COBL: variants seen among roughly 807,000 people sequenced by gnomAD.
COBL encodes protein cordon-bleu.
In COBL, 51 loss-of-function variants were observed where a neutral mutation model predicts 98.8. The ratio of observed to expected loss-of-function variants is 0.52; its 90% CI spans 0.41 to 0.65. COBL has a LOEUF of 0.65. Ranked by LOEUF, COBL falls within the 30% of genes least tolerant of loss-of-function variation. COBL has a pLI of 0.00. For missense variants in COBL, 1,617 were observed against 1,617.5 expected (o/e 1.00, Z 0.01); for synonymous variants, 634 against 651.7 (o/e 0.97, Z 0.41).
intron 1 of COBL, among the ~76,000 whole-genome samples, chr7:51,221,305 G>A (rs1374216741): frequency 4.6e-5 from 7 of 152,142 alleles, no homozygotes; most frequent in Admixed American, 4.6e-4. Flanking sequence ...CAGAGACACA[G>A]GAATTCCTTT....
In COBL at chr7:51,043,756, G is replaced by A. The variant is rs1481739434; in HGVS notation, c.1097-64C>T. On this transcript the variant is annotated intron_variant, in intron 7 of 12. Transcript: ENST00000265136. The stretch of plus-strand genomic sequence containing the variant: ...CTCTGGCGTCCATACTGCCTAACAA[G>A]TGTGACATCAGTCTGTCGGCCCCGC... 14 of 1,414,054 alleles carry A rather than the reference G, an allele frequency of 9.9e-6. No homozygotes were observed. In the Admixed American group the frequency reaches 1.7e-4, roughly 17 times the overall value. The allele number at this position is 1,414,054 out of a possible 1,614,324, so 87.6% of individuals were successfully genotyped here. A position where few individuals can be genotyped will look rare whatever the true frequency, so the allele number is the denominator to read the frequency against.
intron 7 of COBL, chr7:51,065,085 A>G: frequency 1.5e-6 from 1 of 659,604 alleles, no homozygotes; most frequent in East Asian, 2.7e-5. Context: ...TCCATAGAAA[A>G]CACCTTCACA....
rs766690209 is a variant in COBL at position 51,028,434 on chromosome 7, G to C, written c.2662C>G (p.Pro888Ala). 1 of 1,614,256 alleles carries C rather than the reference G, an allele frequency of 6.2e-7. No homozygotes were observed. Among genetic ancestry groups the C allele is most frequent in the Non-Finnish European group, 8.5e-7 (1 of 1,180,048 alleles). The change falls in exon 10 of 13, where the codon CCA becomes GCA. Residue 888 changes from proline to alanine, a missense_variant. Pro to Ala is a conservative substitution (Grantham distance 27). Transcript: ENST00000265136. The part of the protein sequence containing the change: ...APKVHADVVR[P>A]HGYAEKGYAG... The stretch of plus-strand genomic sequence containing the variant: ...TAACCCTTCTCGGCATAACCGTGTG[G>C]CCTCACCACATCAGCATGGACTTTT...
chr7:51,270,419 A>G (rs1798649691), intron 1 of COBL, among the ~76,000 whole-genome samples: 1 of 152,196 alleles, frequency 6.6e-6, no homozygotes, highest in Non-Finnish European at 1.5e-5. Context: ...TGTGCCCACT[A>G]CGTGCCAGGC....
At chr7:51,207,596 G>GT in intron 2 of COBL, among the ~76,000 whole-genome samples, 1 of 152,100 alleles carries the variant, frequency 6.6e-6, no homozygotes, top group African/African-American at 2.4e-5. Context: ...CACCTGACTG[G>GT]TTTTCGTATT....
intron 6 of COBL, among the ~76,000 whole-genome samples, chr7:51,117,970 T>G (rs1223065905): frequency 6.6e-6 from 1 of 152,218 alleles, no homozygotes; most frequent in Non-Finnish European, 1.5e-5. Context: ...TATCTGTCCT[T>G]TTCATGCATG....
chr7:51,144,333 C>G (rs1249790932), intron 5 of COBL, among the ~76,000 whole-genome samples: 3 of 152,168 alleles, frequency 2.0e-5, no homozygotes, highest in African/African-American at 7.2e-5. Flanking sequence ...CAGCGAGTTA[C>G]TGGTTGCCCA....
chr7:51,069,803 A>G (rs1333721420), intron 7 of COBL, among the ~76,000 whole-genome samples: 2 of 152,206 alleles, frequency 1.3e-5, no homozygotes, highest in African/African-American at 4.8e-5. Flanking sequence ...TGGGCCAAAG[A>G]AGAAAGTATG....
intron 4 of COBL, among the ~76,000 whole-genome samples, chr7:51,190,224 T>A (rs1359961631): frequency 6.6e-6 from 1 of 152,030 alleles, no homozygotes; most frequent in African/African-American, 2.4e-5. Context: ...ATTTTTTTTT[T>A]AAAGAGACAG....
intron 6 of COBL, among the ~76,000 whole-genome samples, chr7:51,121,797 G>C (rs2128990316): frequency 6.6e-6 from 1 of 152,306 alleles, no homozygotes; most frequent in East Asian, 1.9e-4. Flanking sequence ...TGGCTGGACA[G>C]AATCATGAAT....
intron 5 of COBL, among the ~76,000 whole-genome samples, chr7:51,141,255 A>G (rs1799715437): frequency 2.0e-5 from 3 of 152,090 alleles, no homozygotes; most frequent in Admixed American, 2.0e-4. Context: ...TGACATGGCT[A>G]TTGAGGAATT....
intron 1 of COBL, among the ~76,000 whole-genome samples, chr7:51,254,181 T>C (rs1796995899): frequency 6.6e-6 from 1 of 152,054 alleles, no homozygotes; most frequent in Non-Finnish European, 1.5e-5. Context: ...TCATTGACAA[T>C]GATTACTGCA....
chr7:51,142,889 A>G (rs1487682239), intron 5 of COBL, among the ~76,000 whole-genome samples: 2 of 152,180 alleles, frequency 1.3e-5, no homozygotes, highest in African/African-American at 4.8e-5. Context: ...AAGATGGATG[A>G]CATGCGATGT....
rs1787775758 is a variant in COBL at position 51,028,244 on chromosome 7, CT to C, written c.2851del (p.Arg951GlyfsTer114). On this transcript the variant is annotated frameshift_variant, in exon 10 of 13. Transcript: ENST00000265136. LOFTEE classifies it high-confidence loss of function. The stretch of plus-strand genomic sequence containing the variant: ...CCTGTGTGGGCCAATGACCTCCCCC[CT>C]AGGAGGGGCTCCCACTGCCAAATCT... ...GEDLAVGAPP[R>X]GEVIGPHRKL... 3 of 1,613,922 alleles carry C rather than the reference CT, an allele frequency of 1.9e-6. No homozygotes were observed. The highest frequency in any genetic ancestry group is 2.5e-6 in the Non-Finnish European group (3 of 1,179,862).
intron 5 of COBL, among the ~76,000 whole-genome samples, chr7:51,178,854 C>A (rs889872932): frequency 3.9e-5 from 6 of 152,188 alleles, no homozygotes; most frequent in Admixed American, 2.6e-4. Context: ...GGCGATCCAC[C>A]CGCCTTGGCC....
At chr7:51,289,484 C>A (rs1800690518) in intron 1 of COBL, among the ~76,000 whole-genome samples, 1 of 152,200 alleles carries the variant, frequency 6.6e-6, no homozygotes, top group Non-Finnish European at 1.5e-5. Flanking sequence ...TCCTCCACTG[C>A]CTACAACGGA....
intron 6 of COBL, among the ~76,000 whole-genome samples, chr7:51,097,503 G>A (rs1369707855): frequency 6.6e-6 from 1 of 152,114 alleles, no homozygotes; most frequent in African/African-American, 2.4e-5. Context: ...AACGGAAGAA[G>A]TGAAATTATT....
At chr7:51,237,096 G>A (rs559786134) in intron 1 of COBL, among the ~76,000 whole-genome samples, 2 of 152,172 alleles carry the variant, frequency 1.3e-5, no homozygotes, top group Non-Finnish European at 2.9e-5. Flanking sequence ...ATGATGAAGC[G>A]AAATGCCCAG....
chr7:51,245,251 GTTC>G (rs1210002616), intron 1 of COBL, among the ~76,000 whole-genome samples: 2 of 152,114 alleles, frequency 1.3e-5, no homozygotes, highest in African/African-American at 4.8e-5. Flanking sequence ...TGTGGATGCT[GTTC>G]TTCTACCTGG....
Sources: gnomAD v4.1 joint callset for allele counts (sites outside exome capture counted in the v4.1 genomes callset) on GRCh38, gnomAD v4.1.1 for gene constraint, MANE v1.5 for transcripts, NCBI Gene and HGNC (gene_info 2026-07-23, HGNC 2026-07-21) for gene names.